Variants in KIF21A observed in about 807,000 individuals in gnomAD.
KIF21A encodes kinesin family member 21A.
A neutral mutation model predicts 202.9 loss-of-function variants in KIF21A; 114 were observed. The ratio of observed to expected loss-of-function variants is 0.56; its 90% CI spans 0.48 to 0.66. The LOEUF (loss-of-function observed/expected upper bound fraction) is 0.66. Among genes scored for constraint, KIF21A ranks in the 30% least tolerant of loss-of-function variants. KIF21A has a pLI of 0.00. For synonymous variants in KIF21A, 667 were observed against 670.8 expected (o/e 0.99, Z 0.09); for missense variants, 1,677 against 1,994.9 (o/e 0.84, Z 3.04).
rs1481871548 is a variant in KIF21A, at chr12:39,351,931, A to T, written c.1519T>A (p.Leu507Met). Residue 507 changes from leucine (L) to methionine (M), a missense_variant, in exon 11 of 38, where the codon TTG becomes ATG. Coordinates refer to ENST00000361418, the MANE Select transcript of KIF21A (RefSeq NM_001173464.2). Reference protein sequence around the residue: ...EAVNENLRKNLTRATARAPYF... With the variant: ...EAVNENLRKNMTRATARAPYF... ...GGCGCTCTTGCTGTGGCTCTTGTCA[A>T]GTTTTTTCGAAGGTTCTCATTCACT... The T allele has an allele frequency of 6.2e-7, 1 of 1,613,352 alleles. No homozygotes were observed. The highest frequency in any genetic ancestry group is 1.3e-5 in the African/African-American group (1 of 74,868).
intron 6 of KIF21A, among the ~76,000 whole-genome samples, chr12:39,364,016 T>A (rs1949433798): frequency 6.6e-6 from 1 of 152,146 alleles, no homozygotes; most frequent in South Asian, 2.1e-4. Flanking sequence ...AGACCCCGCC[T>A]CAAAATAAAT....
intron 16 of KIF21A, among the ~76,000 whole-genome samples, chr12:39,339,468 T>G (rs896632830): frequency 6.6e-6 from 1 of 152,108 alleles, no homozygotes. Flanking sequence ...ATAAGTACAC[T>G]CCATGATGTT....
chr12:39,370,303 CA>C (rs35519089), intron 1 of KIF21A, 42 bp from the exon 2 acceptor site: 253 of 1,420,386 alleles, frequency 1.8e-4, no homozygotes, highest in Non-Finnish European at 1.9e-4. Flanking sequence ...AAATAAATGG[CA>C]AAAAAAAACC....
chr12:39,380,870 A>ATTT (rs1306753853), intron 1 of KIF21A, among the ~76,000 whole-genome samples: 2 of 152,134 alleles, frequency 1.3e-5, no homozygotes, highest in Non-Finnish European at 2.9e-5. Context: ...AGCATCTTCT[A>ATTT]TTTTTTTCTT....
chr12:39,304,265 T>A (rs1019737318), intron 35 of KIF21A, among the ~76,000 whole-genome samples: 1 of 152,202 alleles, frequency 6.6e-6, no homozygotes. Context: ...TCCCCAAGGC[T>A]GAGTTCCCAG....
Position 39,311,462 on chromosome 12 carries a change from GCA to G in KIF21A, c.4049_4050del (p.Val1350AlafsTer7). On this transcript the variant is annotated frameshift_variant, in exon 32 of 38. Transcript: ENST00000361418. LOFTEE classifies it high-confidence loss of function. Reference sequence around the variant, plus strand: ...AGATCATCAGTAGAATCCACACAGAGCACAGCTTTTGTATGCCCTTCAGCTAT... The same window carrying G: ...AGATCATCAGTAGAATCCACACAGAGCAGCTTTTGTATGCCCTTCAGCTAT... ...IHIAEGHTKA[V>X]LCVDSTDDLL... 6.2e-7 allele frequency: 1 copy of G among 1,613,064 alleles called. No homozygotes were observed. The highest frequency in any genetic ancestry group is 8.5e-7 in the Non-Finnish European group (1 of 1,179,186).
At chr12:39,384,665 A>C (rs1429201432) in intron 1 of KIF21A, among the ~76,000 whole-genome samples, 2 of 152,186 alleles carry the variant, frequency 1.3e-5, no homozygotes, top group African/African-American at 4.8e-5. Context: ...ATAAACTTGG[A>C]ACCTTAGATA....
intron 24 of KIF21A, among the ~76,000 whole-genome samples, chr12:39,327,368 A>T (rs970603318): frequency 1.3e-5 from 2 of 152,180 alleles, no homozygotes; most frequent in Admixed American, 1.3e-4. Flanking sequence ...AGTGAAAAAA[A>T]TGGTGATTTT....
chr12:39,361,584 C>CT (rs1327467580), intron 7 of KIF21A, among the ~76,000 whole-genome samples: 11 of 106,484 alleles, frequency 1.0e-4, no homozygotes, highest in African/African-American at 5.3e-4. Flanking sequence ...TGCAGTGGCA[C>CT]GATCTCCGCC....
rs1273410015 is a variant in KIF21A at position 39,311,682 on chromosome 12, C to T, written c.3960-129G>A. On this transcript the variant is annotated intron_variant, in intron 31 of 37. Coordinates refer to ENST00000361418, the MANE Select transcript of KIF21A (RefSeq NM_001173464.2). ...TAAGTAATTAGTAATAAAATCCAGA[C>T]TGCTCTCTTTTAAGCAAAAGGACAA... 4.5e-6 allele frequency: 4 copies of T among 887,610 alleles called. 1 individual carries two copies. In the South Asian group the frequency reaches 5.7e-5, roughly 13 times the overall value. The allele number at this position is 887,610 out of a possible 1,614,324, so 55.0% of individuals were successfully genotyped here.
At chr12:39,368,446 G>A (rs967460273) in intron 3 of KIF21A, among the ~76,000 whole-genome samples, 7 of 152,004 alleles carry the variant, frequency 4.6e-5, no homozygotes, top group East Asian at 1.9e-4. Flanking sequence ...CTTTCTTAAC[G>A]TGTTGAAAAA....
At position 39,337,378 on chromosome 12, in the gene KIF21A, T is replaced by G. The variant is rs546368590; in HGVS notation, c.2311-175A>C. 225 of 590,792 alleles carry G rather than the reference T, an allele frequency of 3.8e-4. 2 individuals are homozygous for G. The African/African-American group carries it at 3.9e-3, about 10-fold the overall frequency. The allele number at this position is 590,792 out of a possible 1,614,324, so 36.6% of individuals were successfully genotyped here. ...TTTCTGTGGGATTCATATATTTCTA[T>G]TTCTAATACATTTTTATTAAATTGC... On this transcript the variant is annotated intron_variant, in intron 16 of 37. Coordinates refer to ENST00000361418, the MANE Select transcript of KIF21A (RefSeq NM_001173464.2).
At chr12:39,365,390 T>A (rs1463163184) in intron 6 of KIF21A, among the ~76,000 whole-genome samples, 13 of 152,192 alleles carry the variant, frequency 8.5e-5, no homozygotes, top group Admixed American at 6.5e-5. Context: ...CGCAGAAATT[T>A]AGGGATGTCA....
At chr12:39,348,358 C>G (rs1371366000) in intron 11 of KIF21A, among the ~76,000 whole-genome samples, 1 of 151,848 alleles carries the variant, frequency 6.6e-6, no homozygotes, top group Non-Finnish European at 1.5e-5. Flanking sequence ...TATTTTCTTA[C>G]TATCTACACC....
At chr12:39,367,630 G>A (rs1461957135) in intron 4 of KIF21A, among the ~76,000 whole-genome samples, 1 of 152,162 alleles carries the variant, frequency 6.6e-6, no homozygotes, top group African/African-American at 2.4e-5. Flanking sequence ...TTCTCTAGCT[G>A]TGAATGAAAA....
At chr12:39,374,939 T>C (rs1485281931) in intron 1 of KIF21A, among the ~76,000 whole-genome samples, 3 of 152,174 alleles carry the variant, frequency 2.0e-5, no homozygotes, top group Admixed American at 1.3e-4. Flanking sequence ...GTACTTCTTA[T>C]TGTTTGTTCC....
At chr12:39,295,931 C>CT (rs1046292126) in intron 37 of KIF21A, among the ~76,000 whole-genome samples, 2 of 150,128 alleles carry the variant, frequency 1.3e-5, no homozygotes, top group African/African-American at 4.9e-5. Flanking sequence ...ATCTCTTGAC[C>CT]TCGTGATCTG....
chr12:39,345,105 G>A (rs1565883048), intron 12 of KIF21A, among the ~76,000 whole-genome samples: 1 of 152,100 alleles, frequency 6.6e-6, no homozygotes, highest in East Asian at 1.9e-4. Flanking sequence ...AAATCCCTAG[G>A]AGATCTGTAC....
intron 18 of KIF21A, 50 bp from the exon 19 acceptor site, chr12:39,333,157 TC>T: frequency 6.2e-7 from 1 of 1,605,140 alleles, no homozygotes. Flanking sequence ...TAGAAATACA[TC>T]ATTTATCTCA....
Sources: gnomAD v4.1 joint callset for allele counts (sites outside exome capture counted in the v4.1 genomes callset) on GRCh38, gnomAD v4.1.1 for gene constraint, MANE v1.5 for transcripts, NCBI Gene and HGNC (gene_info 2026-07-23, HGNC 2026-07-21) for gene names.